The following GUCY2D variants were observed in gnomAD, a reference collection of about 807,000 sequenced individuals.
GUCY2D encodes the protein retinal guanylyl cyclase 1.
GUCY2D carries 70 observed loss-of-function variants against 101.3 expected under a neutral mutation model. The observed-to-expected ratio is 0.69, with a 90% confidence interval of 0.57 to 0.84. The LOEUF (loss-of-function observed/expected upper bound fraction) is 0.84. Ranked by LOEUF, GUCY2D falls within the 40% of genes least tolerant of loss-of-function variation. The probability of loss-of-function intolerance (pLI) is 0.00; values close to 1 mark genes in which losing one functional copy is unlikely to be tolerated. For missense variants in GUCY2D, 1,460 were observed against 1,542.5 expected (o/e 0.95, Z 0.90); for synonymous variants, 688 against 670.7 (o/e 1.03, Z -0.40).
Position 8,013,226 on chromosome 17 carries a change from A to T in GUCY2D, c.2237A>T (p.Tyr746Phe). The T allele has an allele frequency of 6.2e-7, 1 of 1,614,122 alleles. No homozygotes were observed. Among genetic ancestry groups the T allele is most frequent in the Non-Finnish European group, 8.5e-7 (1 of 1,179,990 alleles). The change falls in exon 11 of 20, where the codon TAT (tyrosine) becomes TTT (phenylalanine). Residue 746 changes from tyrosine to phenylalanine, a missense_variant. This residue lies in a region of GUCY2D where 1,196 missense variants were observed against 1,229.6 expected (regional missense o/e 0.97). Coordinates refer to ENST00000254854, the MANE Select transcript of GUCY2D (RefSeq NM_000180.4). This position sits in a 1 kb window ranked among gnomAD's most constrained non-coding sequence, Gnocchi z 5.0. ...GAAGTAGTGTGCCGCAGTGCCCCTT[A>T]TGCCATGCTGGAGCTCACTCCCGAG... The part of the protein sequence containing the change: ...MQEVVCRSAP[Y>F]AMLELTPEEV...
In GUCY2D at chr17:8,003,860, A is replaced by C. The variant is rs141956583; in HGVS notation, c.730A>C (p.Met244Leu). 8.1e-5 allele frequency: 131 copies of C among 1,612,226 alleles called. 1 individual carries two copies. The African/African-American group carries it at 1.6e-3, about 20-fold the overall frequency. ...CAAGCCTCTGTCCGCAGCAGTGATC[A>C]TGGTGATGCACTCGGTGCTGCTGGG... The part of the protein sequence containing the change: ...RDGPRVTAVI[M>L]VMHSVLLGGE... Residue 244 changes from methionine (M) to leucine (L), a missense_variant, in exon 3 of 20, where the codon ATG (methionine) becomes CTG (leucine). Coordinates refer to ENST00000254854, the MANE Select transcript of GUCY2D (RefSeq NM_000180.4).
Position 8,007,349 on chromosome 17 carries a change from C to A in GUCY2D, c.1464-77C>A. On this transcript the variant is annotated intron_variant, in intron 5 of 19. Transcript: ENST00000254854. ...GACCCCTCCCCTGAGCCAACGTTAT[C>A]CCTCCCCCGCATCCCCTGCTGGTCT... 1.0e-5 allele frequency: 11 copies of A among 1,061,182 alleles called. 1 individual carries two copies. In the South Asian group the frequency reaches 1.2e-4, roughly 12 times the overall value. The allele number at this position is 1,061,182 out of a possible 1,614,324, so 65.7% of individuals were successfully genotyped here.
In GUCY2D at chr17:8,003,275, C is replaced by T. The variant is rs1309007524; in HGVS notation, c.228C>T (p.Ala76=). Reference sequence around the variant, plus strand: ...TCTCTCGGGCTCGCCCGGACCTGGCCGCCCGCCTGGCCGCCGCCCGCCTGA... The same window carrying T: ...TCTCTCGGGCTCGCCCGGACCTGGCTGCCCGCCTGGCCGCCGCCCGCCTGA... ...PIFSRARPDL[A]ARLAAARLNR... Residue 76 remains alanine (A), a synonymous_variant, in exon 2 of 20, where the codon GCC becomes GCT. Coordinates refer to ENST00000254854, the MANE Select transcript of GUCY2D (RefSeq NM_000180.4). The T allele has an allele frequency of 3.3e-6, 5 of 1,496,976 alleles. No individual in the cohort carries two copies. Among genetic ancestry groups the T allele is most frequent in the Non-Finnish European group, 1.8e-6 (2 of 1,129,000 alleles). The allele number at this position is 1,496,976 out of a possible 1,614,324, so 92.7% of individuals were successfully genotyped here.
rs1975869462 is a variant in GUCY2D, at chr17:8,012,364, G to A, written c.1956+14G>A. ...GACCTTATCAAGGTGTGTGTCTGGG[G>A]GTGGTGGGGTGACGTCCTGGGGGCA... On this transcript the variant is annotated intron_variant, in intron 9 of 19. Transcript: ENST00000254854. 6.2e-7 allele frequency: 1 copy of A among 1,612,004 alleles called. No homozygotes were observed. The highest frequency in any genetic ancestry group is 1.3e-5 in the African/African-American group (1 of 74,886).
In GUCY2D at chr17:8,006,443, T is replaced by G. The variant is rs1598145975; in HGVS notation, c.1107T>G (p.Gly369=). ...RGVAEARAAA[G]GRWVSGAAVA... Reference sequence around the variant, plus strand: ...TGGCAGAAGCGCGGGCTGCCGCAGGTGGCAGATGGGTGTCCGGAGCAGCTG... The same window carrying G: ...TGGCAGAAGCGCGGGCTGCCGCAGGGGGCAGATGGGTGTCCGGAGCAGCTG... Residue 369 remains glycine (G), a synonymous_variant, in exon 4 of 20, where the codon GGT becomes GGG. Transcript: ENST00000254854. 6.2e-7 allele frequency: 1 copy of G among 1,604,804 alleles called. No homozygotes were observed.
At position 8,007,946 on chromosome 17, in the gene GUCY2D, C is replaced by T. The variant is rs1349155167; in HGVS notation, c.1582C>T (p.Arg528Ter). ...TACCTGCTAGGTGGCCCAGGGGAGT[C>T]GATCAAGTCTGGGTGCCCGCAGCAT... ...GTSRKVAQGSRSSLGARSMSD... is the reference protein window; with the variant it reads ...GTSRKVAQGS The change falls in exon 7 of 20, where the codon CGA becomes TGA. Residue 528 changes from arginine (R) to a stop codon, truncating the protein, a stop_gained. Coordinates refer to ENST00000254854, the MANE Select transcript of GUCY2D (RefSeq NM_000180.4). LOFTEE classifies it high-confidence loss of function. 3.1e-6 allele frequency: 5 copies of T among 1,612,130 alleles called. No homozygotes were observed. Among genetic ancestry groups the T allele is most frequent in the South Asian group, 1.1e-5 (1 of 91,012 alleles).
chr17:8,016,690 T>G, intron 19 of GUCY2D, 136 bp downstream of exon 19: 1 of 596,816 alleles, frequency 1.7e-6, no homozygotes, highest in Non-Finnish European at 3.0e-6. Context: ...GGGCTTCCCC[T>G]GGGAGGGAAG....
At chr17:8,019,471 G>A (rs141592651) in intron 19 of GUCY2D, among the ~76,000 whole-genome samples, 8 of 152,302 alleles carry the variant, frequency 5.3e-5, no homozygotes, top group Admixed American at 4.6e-4. Flanking sequence ...CCTTCACTCA[G>A]CCTCCTTCCC....
intron 7 of GUCY2D, among the ~76,000 whole-genome samples, chr17:8,008,645 C>T (rs1419415834): frequency 6.6e-6 from 1 of 152,136 alleles, no homozygotes; most frequent in East Asian, 1.9e-4. Context: ...CCTATCATGT[C>T]ACCTAGAGAT....
Position 8,003,369 on chromosome 17 carries a change from C to T in GUCY2D, c.322C>T (p.Pro108Ser), listed in dbSNP as rs1363885483. The change falls in exon 2 of 20, where the codon CCG (proline) becomes TCG (serine). Residue 108 changes from proline to serine, a missense_variant. Pro to Ser is a moderately conservative substitution (Grantham distance 74, BLOSUM62 -1). This residue lies in a region of GUCY2D where 1,196 missense variants were observed against 1,229.6 expected (regional missense o/e 0.97). Coordinates refer to ENST00000254854, the MANE Select transcript of GUCY2D (RefSeq NM_000180.4). ...GCTGCTGCCCGAGCCTTGCCGGACG[C>T]CGGGCTCGCTGGGGGCCGTGTCCTC... is the stretch of plus-strand genomic sequence containing the variant. ...VALLPEPCRT[P>S]GSLGAVSSAL... 3.4e-6 allele frequency: 5 copies of T among 1,466,052 alleles called. No individual in the cohort carries two copies. The highest frequency in any genetic ancestry group is 4.5e-6 in the Non-Finnish European group (5 of 1,115,786). 90.8% of individuals were successfully genotyped at this position (1,466,052 alleles called of 1,614,324 possible). A position where few individuals can be genotyped will look rare whatever the true frequency, so the allele number is the denominator to read the frequency against.
In GUCY2D at chr17:8,015,414, G is replaced by A; in HGVS notation, c.2856G>A (p.Met952Ile). 6.2e-7 allele frequency: 1 copy of A among 1,613,876 alleles called. No homozygotes were observed. Among genetic ancestry groups the A allele is most frequent in the Non-Finnish European group, 8.5e-7 (1 of 1,179,958 alleles). Residue 952 changes from methionine to isoleucine, a missense_variant, in exon 15 of 20, where the codon ATG (methionine) becomes ATA (isoleucine). Around this residue, in one of 3 missense-constraint regions of GUCY2D, gnomAD observed 215 missense variants for 227.9 expected, o/e 0.94. Coordinates refer to ENST00000254854, the MANE Select transcript of GUCY2D (RefSeq NM_000180.4). ...GQRHAAEIANMSLDILSAVGT... is the reference protein window; with the variant it reads ...GQRHAAEIANISLDILSAVGT... ...GACACGCGGCAGAGATCGCCAACAT[G>A]TCACTGGACATCCTCAGTGCCGTGG...
In GUCY2D at chr17:8,009,548, A is replaced by G. The variant is rs951042742; in HGVS notation, c.1711A>G (p.Ile571Val). ...WLKKFPGDQH[I>V]AIRPATKTAF... Reference sequence around the variant, plus strand: ...GAAGAAATTCCCAGGGGATCAGCACATAGCTATCCGCCCAGCAACCAAGAC... The same window carrying G: ...GAAGAAATTCCCAGGGGATCAGCACGTAGCTATCCGCCCAGCAACCAAGAC... Residue 571 changes from isoleucine to valine, a missense_variant, in exon 8 of 20, where the codon ATA (isoleucine) becomes GTA (valine). Ile to Val is a conservative substitution (Grantham distance 29). This residue lies in a region of GUCY2D where 1,196 missense variants were observed against 1,229.6 expected (regional missense o/e 0.97). Coordinates refer to ENST00000254854, the MANE Select transcript of GUCY2D (RefSeq NM_000180.4). The G allele has an allele frequency of 1.2e-6, 2 of 1,613,798 alleles. No homozygotes were observed. The highest frequency in any genetic ancestry group is 1.7e-6 in the Non-Finnish European group (2 of 1,179,782).
At position 8,015,448 on chromosome 17, in the gene GUCY2D, C is replaced by T. The variant is rs765051553; in HGVS notation, c.2890C>T (p.Arg964Cys). The T allele has an allele frequency of 6.2e-7, 1 of 1,613,746 alleles. No homozygotes were observed. The highest frequency in any genetic ancestry group is 1.1e-5 in the South Asian group (1 of 91,072). Residue 964 changes from arginine to cysteine, a missense_variant, in exon 15 of 20, where the codon CGC becomes TGC. By Grantham distance (180) the Arg-to-Cys change is radical. Transcript: ENST00000254854. ...CATCCTCAGTGCCGTGGGCACTTTC[C>T]GCATGCGCCATATGCCTGAGGTTCC... ...LDILSAVGTF[R>C]MRHMPEVPVR...
Position 8,003,067 on chromosome 17 carries a change from G to T in GUCY2D, c.20G>T (p.Arg7Leu). The T allele has an allele frequency of 6.6e-7, 1 of 1,526,246 alleles. No individual in the cohort carries two copies. Among genetic ancestry groups the T allele is most frequent in the South Asian group, 1.2e-5 (1 of 82,330 alleles). 94.5% of individuals were successfully genotyped at this position (1,526,246 alleles called of 1,614,324 possible). The change falls in exon 2 of 20, where the codon CGA (arginine) becomes CTA (leucine). Residue 7 changes from arginine (R) to leucine (L), a missense_variant. By Grantham distance (102) the Arg-to-Leu change is moderately radical. Coordinates refer to ENST00000254854, the MANE Select transcript of GUCY2D (RefSeq NM_000180.4). Reference sequence around the variant, plus strand: ...CCGGCAATGACCGCCTGCGCCCGCCGAGCGGGTGGGCTTCCGGACCCCGGG... The same window carrying T: ...CCGGCAATGACCGCCTGCGCCCGCCTAGCGGGTGGGCTTCCGGACCCCGGG... MTACAR[R>L]AGGLPDPGLC...
chr17:8,007,523 C>T lies in GUCY2D; in HGVS notation c.1561C>T (p.Arg521Ter), dbSNP rs748798324. ...TCTCCACCCACATGGGGGCACCTCT[C>T]GAAAGGTGGGGGAGGCAGAGAGGCA... ...TFLHPHGGTS[R>*]KVAQGSRSSL... Residue 521 changes from arginine to a stop codon, truncating the protein, a stop_gained, in exon 6 of 20, where the codon CGA (arginine) becomes TGA (stop). Coordinates refer to ENST00000254854, the MANE Select transcript of GUCY2D (RefSeq NM_000180.4). LOFTEE classifies it high-confidence loss of function. 5 of 1,588,950 alleles carry T rather than the reference C, an allele frequency of 3.1e-6. No homozygotes were observed. The highest frequency in any genetic ancestry group is 3.5e-6 in the Non-Finnish European group (4 of 1,157,348).
intron 3 of GUCY2D, among the ~76,000 whole-genome samples, chr17:8,004,980 T>C (rs1219805608): frequency 1.3e-5 from 2 of 151,762 alleles, no homozygotes; most frequent in African/African-American, 4.8e-5. Context: ...TGAGATGGGA[T>C]GGAGGGAGGG....
At chr17:8,008,247 TA>T (rs764286466) in intron 7 of GUCY2D, among the ~76,000 whole-genome samples, 6 of 152,134 alleles carry the variant, frequency 3.9e-5, no homozygotes, top group Non-Finnish European at 8.8e-5. Context: ...GATTTTTCTC[TA>T]GCCACTATCT....
At position 8,015,763 on chromosome 17, in the gene GUCY2D, G is replaced by A. The variant is rs1248867031; in HGVS notation, c.2965G>A (p.Val989Met). 4 of 1,611,086 alleles carry A rather than the reference G, an allele frequency of 2.5e-6. No individual in the cohort carries two copies. Among genetic ancestry groups the A allele is most frequent in the Non-Finnish European group, 3.4e-6 (4 of 1,179,076 alleles). ...LHSGPCVAGV[V>M]GLTMPRYCLF... ...CACAGGTCCATGCGTGGCAGGCGTG[G>A]TGGGCCTCACCATGCCGCGGTACTG... Residue 989 changes from valine to methionine, a missense_variant, in exon 16 of 20, where the codon GTG (valine) becomes ATG (methionine). Transcript: ENST00000254854.
chr17:8,013,422 A>T lies in GUCY2D; in HGVS notation c.2263+170A>T, dbSNP rs1349742740. ...TGGGTGCAGAAAGCCGTGCATGGCC[A>T]GGGTGGGGAGCGTGGTTCATTAGGT... On this transcript the variant is annotated intron_variant, in intron 11 of 19. Transcript: ENST00000254854. This position sits in a 1 kb window ranked among gnomAD's most constrained non-coding sequence, Gnocchi z 5.0. 1 of 707,416 alleles carries T rather than the reference A, an allele frequency of 1.4e-6. No individual in the cohort carries two copies. Among genetic ancestry groups the T allele is most frequent in the Admixed American group, 2.1e-5 (1 of 47,510 alleles). The allele number at this position is 707,416 out of a possible 1,614,324, so 43.8% of individuals were successfully genotyped here.
Sources: allele counts gnomAD v4.1 joint callset (sites outside exome capture counted in the v4.1 genomes callset), GRCh38; gene constraint gnomAD v4.1.1; regional missense constraint gnomAD v4.1.1; non-coding constraint Gnocchi (gnomAD v3.1); transcripts MANE v1.5; gene names NCBI Gene and HGNC (gene_info 2026-07-23, HGNC 2026-07-21).